The following ZBTB20 variants were observed in gnomAD, a reference collection of about 807,000 sequenced individuals.
ZBTB20 encodes zinc finger and BTB domain containing 20, also known as zinc finger and BTB domain-containing protein 20.
ZBTB20 carries 9 observed loss-of-function variants against 56.9 expected under a neutral mutation model. The observed-to-expected ratio is 0.16, with a 90% CI of 0.10 to 0.28. The LOEUF (loss-of-function observed/expected upper bound fraction) is 0.28, where lower values mean the gene tolerates loss of function less well. Ranked by LOEUF, ZBTB20 falls within the 10% of genes least tolerant of loss-of-function variation. The probability of loss-of-function intolerance (pLI) is 1.00; values close to 1 mark genes in which losing one functional copy is unlikely to be tolerated. For synonymous variants in ZBTB20, 417 were observed against 420.7 expected, an observed-to-expected ratio of 0.99 and a Z score of 0.11; for missense variants, 655 against 1,003.0, an observed-to-expected ratio of 0.65 and a Z score of 4.69.
chr3:115,101,616 T>G (rs2083586430), intron 1 of ZBTB20, among the ~76,000 whole-genome samples: 1 of 152,166 alleles, frequency 6.6e-6, no homozygotes, highest in South Asian at 2.1e-4. Context: ...CTTAATATAT[T>G]TCTATACAGT....
At chr3:114,388,085 T>TA (rs1373114552) in intron 8 of ZBTB20, 1 of 152,232 alleles carries the variant, frequency 6.6e-6, no homozygotes, top group Non-Finnish European at 1.5e-5. Flanking sequence ...AGAGGGATGT[T>TA]AGTCTCCCAG....
chr3:114,649,970 A>T (rs935627009), intron 6 of ZBTB20, among the ~76,000 whole-genome samples: 1 of 151,918 alleles, frequency 6.6e-6, no homozygotes, highest in Non-Finnish European at 1.5e-5. Context: ...GCTTTTGAGA[A>T]GCTACTCCAG....
chr3:114,357,512 G>T (rs2733410), intron 10 of ZBTB20, among the ~76,000 whole-genome samples: 2,970 of 152,180 alleles, frequency 0.02, 102 homozygotes, highest in African/African-American at 0.066. Flanking sequence ...TTCATTCATA[G>T]AACATTTCTA....
At chr3:114,735,529 T>C (rs550526993) in intron 5 of ZBTB20, among the ~76,000 whole-genome samples, 2 of 152,268 alleles carry the variant, frequency 1.3e-5, no homozygotes, top group African/African-American at 4.8e-5. Context: ...AGGAATAGCT[T>C]ATTTATCATG....
rs560507427 is a variant in ZBTB20 at position 114,970,927 on chromosome 3, A to C, written c.-456+3439T>G. The stretch of plus-strand genomic sequence containing the variant: ...CTACTTGGGAGGCTAAGGCAGGAGA[A>C]TAGCAAGAACCCGGGAGGTGGAGCT... On this transcript the variant is annotated intron_variant, in intron 3 of 11. Transcript: ENST00000675478. Among the ~76,000 whole-genome samples the C allele has an allele frequency of 2.0e-5, 3 of 152,210 alleles. No homozygotes were observed. The East Asian group carries it at 5.8e-4, about 29-fold the overall frequency.
At chr3:114,965,775 T>G (rs2077624588) in intron 3 of ZBTB20, among the ~76,000 whole-genome samples, 1 of 152,170 alleles carries the variant, frequency 6.6e-6, no homozygotes, top group African/African-American at 2.4e-5. Context: ...GAGCATTTTT[T>G]CATATACCCA....
chr3:114,692,914 C>T (rs2062782181), intron 6 of ZBTB20, among the ~76,000 whole-genome samples: 1 of 152,032 alleles, frequency 6.6e-6, no homozygotes, highest in Non-Finnish European at 1.5e-5. Context: ...AAGAGGATAG[C>T]CTTATTTATG....
intron 6 of ZBTB20, among the ~76,000 whole-genome samples, chr3:114,651,195 A>G (rs2060110213): frequency 6.6e-6 from 1 of 152,100 alleles, no homozygotes; most frequent in Non-Finnish European, 1.5e-5. Flanking sequence ...TCAGGTATTA[A>G]GTGCTTTAAT....
At chr3:114,936,871 A>C (rs1330649021) in intron 3 of ZBTB20, among the ~76,000 whole-genome samples, 3 of 152,168 alleles carry the variant, frequency 2.0e-5, no homozygotes, top group Non-Finnish European at 4.4e-5. Context: ...TGAGATAATT[A>C]TTTGGGGTAG....
intron 6 of ZBTB20, among the ~76,000 whole-genome samples, chr3:114,667,381 T>C (rs2061120067): frequency 6.6e-6 from 1 of 152,054 alleles, no homozygotes; most frequent in Non-Finnish European, 1.5e-5. Flanking sequence ...CTTATTCTGA[T>C]ATGAACCTCA....
intron 2 of ZBTB20, among the ~76,000 whole-genome samples, chr3:115,063,399 T>G (rs953649341): frequency 1.3e-5 from 2 of 152,130 alleles, no homozygotes; most frequent in Admixed American, 1.3e-4. Flanking sequence ...CATATAGTAG[T>G]CTTCTCACTG....
intron 6 of ZBTB20, among the ~76,000 whole-genome samples, chr3:114,586,494 A>G (rs2107525581): frequency 6.6e-6 from 1 of 152,348 alleles, no homozygotes; most frequent in Non-Finnish European, 1.5e-5. Context: ...CATGTGATTT[A>G]GCATATGACT....
At chr3:114,735,130 C>G (rs2066052588) in intron 5 of ZBTB20, among the ~76,000 whole-genome samples, 1 of 151,838 alleles carries the variant, frequency 6.6e-6, no homozygotes, top group Non-Finnish European at 1.5e-5. Flanking sequence ...TAATCCAATG[C>G]TGAGTTTTTA....
At chr3:114,868,272 G>T (rs917305857) in intron 4 of ZBTB20, among the ~76,000 whole-genome samples, 8 of 152,136 alleles carry the variant, frequency 5.3e-5, no homozygotes, top group African/African-American at 1.9e-4. Context: ...CTCAGCATCA[G>T]AGCACTTGGC....
chr3:115,070,377 C>G (rs1041956168), intron 2 of ZBTB20, among the ~76,000 whole-genome samples: 3 of 152,102 alleles, frequency 2.0e-5, no homozygotes, highest in Non-Finnish European at 4.4e-5. Context: ...ATTGCACATT[C>G]ATTTGGCATA....
intron 6 of ZBTB20, among the ~76,000 whole-genome samples, chr3:114,564,107 C>T (rs138115915): frequency 4.6e-5 from 7 of 152,192 alleles, no homozygotes; most frequent in South Asian, 4.2e-4. Flanking sequence ...AAACCAGCAA[C>T]GCAGCATCTT....
chr3:114,444,771 T>C (rs571748857), intron 7 of ZBTB20, among the ~76,000 whole-genome samples: 2 of 152,166 alleles, frequency 1.3e-5, no homozygotes, highest in Non-Finnish European at 2.9e-5. Flanking sequence ...GATCCTTCTA[T>C]TCTTCTCTAT....
intron 2 of ZBTB20, among the ~76,000 whole-genome samples, chr3:114,990,498 G>T (rs570105553): frequency 6.6e-6 from 1 of 152,214 alleles, no homozygotes; most frequent in East Asian, 1.9e-4. Flanking sequence ...TGCTGGATTC[G>T]GTTTGCCAGT....
chr3:114,798,608 T>A lies in ZBTB20; in HGVS notation c.-343+2493A>T, dbSNP rs192299229. On this transcript the variant is annotated intron_variant, in intron 5 of 11. Coordinates refer to ENST00000675478, the MANE Select transcript of ZBTB20 (RefSeq NM_001348800.3). ...GATCTGCGATGGTGGTCAATATGGT[T>A]TGTGTAACCTTTGTGCCCTACCCTG... Among the ~76,000 whole-genome samples the A allele has an allele frequency of 2.6e-3, 390 of 152,032 alleles. 1 individual carries two copies. Among genetic ancestry groups the A allele is most frequent in the African/African-American group, 9.0e-3 (374 of 41,500 alleles).
Sources: allele counts gnomAD v4.1 joint callset (sites outside exome capture counted in the v4.1 genomes callset), GRCh38; gene constraint gnomAD v4.1.1; transcripts MANE v1.5; gene names NCBI Gene and HGNC (gene_info 2026-07-23, HGNC 2026-07-21).